The following HDAC9 variants were observed in gnomAD, a reference collection of about 807,000 sequenced individuals.
HDAC9 encodes MEF-2 interacting transcription repressor (MITR) protein.
Under a neutral mutation model 139.4 loss-of-function variants are expected in HDAC9, and 41 were observed. The ratio of observed to expected loss-of-function variants is 0.29; its 90% CI spans 0.23 to 0.38. The LOEUF is 0.38. Among genes scored for constraint, HDAC9 ranks in the 10% least tolerant of loss-of-function variants. The probability of loss-of-function intolerance (pLI) is 1.00; values close to 1 mark genes in which losing one functional copy is unlikely to be tolerated. For missense variants in HDAC9, 1,147 were observed against 1,297.0 expected, an observed-to-expected ratio of 0.88 and a Z score of 1.78; for synonymous variants, 517 against 476.2, an observed-to-expected ratio of 1.09 and a Z score of -1.12.
chr7:18,429,583 A>G (rs986699056), intron 1 of HDAC9, among the ~76,000 whole-genome samples: 28 of 145,846 alleles, frequency 1.9e-4, no homozygotes, highest in African/African-American at 6.3e-4. Context: ...GTGTGTGTGT[A>G]TGTATTTTAA....
At chr7:18,162,509 T>C (rs1359969878) in intron 2 of HDAC9, 2 of 641,328 alleles carry the variant, frequency 3.1e-6, no homozygotes, top group African/African-American at 3.7e-5. Flanking sequence ...CGATAGCTAA[T>C]TCTCTATTGC....
chr7:18,313,689 G>C (rs1042577348), intron 1 of HDAC9, among the ~76,000 whole-genome samples: 1 of 152,124 alleles, frequency 6.6e-6, no homozygotes, highest in Non-Finnish European at 1.5e-5. Flanking sequence ...AATTTAAAAT[G>C]CTACTCTTGA....
At chr7:18,642,195 A>T (rs182247608) in intron 8 of HDAC9, among the ~76,000 whole-genome samples, 18 of 152,198 alleles carry the variant, frequency 1.2e-4, no homozygotes, top group Admixed American at 7.2e-4. Flanking sequence ...TCCTTGCTTC[A>T]TCAAGAATTG....
intron 3 of HDAC9, among the ~76,000 whole-genome samples, chr7:18,589,081 G>A (rs1713327768): frequency 6.6e-6 from 1 of 152,142 alleles, no homozygotes; most frequent in Non-Finnish European, 1.5e-5. Context: ...GAGTAGTTTA[G>A]TAACTTGTCC....
chr7:18,821,547 G>A (rs546849464), intron 17 of HDAC9, among the ~76,000 whole-genome samples: 2 of 152,296 alleles, frequency 1.3e-5, no homozygotes, highest in East Asian at 1.9e-4. Context: ...CTGATGCAGC[G>A]GGAAAAGGAA....
chr7:18,905,364 T>G (rs1231395492), intron 22 of HDAC9, among the ~76,000 whole-genome samples: 2 of 152,242 alleles, frequency 1.3e-5, no homozygotes, highest in African/African-American at 2.4e-5. Context: ...TAAGACAATG[T>G]TGTCCCTCAG....
intron 17 of HDAC9, among the ~76,000 whole-genome samples, chr7:18,827,966 A>G (rs1015694352): frequency 1.3e-5 from 2 of 152,148 alleles, no homozygotes; most frequent in African/African-American, 4.8e-5. Context: ...TGTCTTAAGA[A>G]TAAGAACAGG....
At chr7:18,558,564 T>C (rs914319613) in intron 2 of HDAC9, among the ~76,000 whole-genome samples, 1 of 152,128 alleles carries the variant, frequency 6.6e-6, no homozygotes. Context: ...AGATGATAAA[T>C]AGATTTAGTC....
intron 2 of HDAC9, among the ~76,000 whole-genome samples, chr7:18,283,932 C>T (rs914899319): frequency 4.6e-5 from 7 of 152,084 alleles, no homozygotes; most frequent in Non-Finnish European, 1.0e-4. Flanking sequence ...GGAGTATTCT[C>T]CCCTCTGGCC....
At chr7:18,541,573 C>T (rs1812974712) in intron 2 of HDAC9, among the ~76,000 whole-genome samples, 1 of 152,102 alleles carries the variant, frequency 6.6e-6, no homozygotes, top group East Asian at 1.9e-4. Context: ...CAGCAACGAT[C>T]TTATTTGCTT....
chr7:18,181,767 T>C (rs1789451573), intron 2 of HDAC9, among the ~76,000 whole-genome samples: 1 of 152,116 alleles, frequency 6.6e-6, no homozygotes, highest in African/African-American at 2.4e-5. Flanking sequence ...TTTAAAAAAA[T>C]CTTATTAGCA....
At chr7:18,604,500 G>C (rs974981490) in intron 6 of HDAC9, among the ~76,000 whole-genome samples, 7 of 151,346 alleles carry the variant, frequency 4.6e-5, no homozygotes, top group Non-Finnish European at 8.8e-5. Context: ...TCTGCCTCCT[G>C]GGTTCACGCC....
chr7:18,697,355 G>T lies in HDAC9; in HGVS notation c.1732-30225G>T, dbSNP rs61396796. On this transcript the variant is annotated intron_variant, in intron 12 of 25. Coordinates refer to ENST00000686413, the MANE Select transcript of HDAC9 (RefSeq NM_178425.4). ...ATGCATGATCTTTGTAGAAAATTTG[G>T]CAAAAGCTGACAAGTATAAAAAACA... 9.6e-3 allele frequency among the ~76,000 whole-genome samples: 1,467 copies of T among 152,034 alleles called. 21 individuals are homozygous for T. Among genetic ancestry groups the T allele is most frequent in the African/African-American group, 0.033 (1,387 of 41,442 alleles).
At chr7:18,102,083 A>G (rs1481082757) in intron 1 of HDAC9, among the ~76,000 whole-genome samples, 1 of 152,196 alleles carries the variant, frequency 6.6e-6, no homozygotes, top group Non-Finnish European at 1.5e-5. Context: ...TTTATTTTTA[A>G]TCCTCTCTCA....
At chr7:18,845,181 T>TA (rs961160861) in intron 21 of HDAC9, among the ~76,000 whole-genome samples, 14 of 152,110 alleles carry the variant, frequency 9.2e-5, no homozygotes, top group Admixed American at 7.9e-4. Context: ...GTATGTAGAA[T>TA]AAAAAAATTA....
chr7:18,728,641 G>C (rs562086723), intron 13 of HDAC9, among the ~76,000 whole-genome samples: 12 of 152,104 alleles, frequency 7.9e-5, no homozygotes, highest in Non-Finnish European at 1.3e-4. Context: ...TTCCCCAAAG[G>C]CTCTTTTGAG....
chr7:18,120,100 G>T (rs1784270628), intron 1 of HDAC9, among the ~76,000 whole-genome samples: 3 of 152,276 alleles, frequency 2.0e-5, no homozygotes, highest in South Asian at 4.1e-4. Flanking sequence ...TTACTACTGG[G>T]TAGAAAAGTC....
intron 2 of HDAC9, among the ~76,000 whole-genome samples, chr7:18,510,977 A>G (rs1404642110): frequency 6.6e-6 from 1 of 152,188 alleles, no homozygotes; most frequent in African/African-American, 2.4e-5. Flanking sequence ...TTCGTTGATA[A>G]TAGATGTGTG....
At chr7:18,343,195 A>G (rs113146614) in intron 1 of HDAC9, among the ~76,000 whole-genome samples, 2 of 151,772 alleles carry the variant, frequency 1.3e-5, no homozygotes, top group African/African-American at 2.4e-5. Flanking sequence ...ACATATCTCT[A>G]TGGTATCTTA....
Sources: gnomAD v4.1 joint callset for allele counts (sites outside exome capture counted in the v4.1 genomes callset) on GRCh38, gnomAD v4.1.1 for gene constraint, MANE v1.5 for transcripts, NCBI Gene and HGNC (gene_info 2026-07-23, HGNC 2026-07-21) for gene names.